Variants in PDGFRL observed in about 807,000 individuals in gnomAD.
The protein encoded by PDGFRL is platelet-derived growth factor receptor-like protein.
PDGFRL carries 46 observed loss-of-function variants against 37.2 expected under a neutral mutation model. That is an observed-to-expected ratio of 1.24 (90% CI 0.98 to 1.58). PDGFRL has a LOEUF of 1.58. Ranked by LOEUF, PDGFRL falls within the 40% of genes most tolerant of loss-of-function variation. The probability of loss-of-function intolerance (pLI) is 0.00; values close to 1 mark genes in which losing one functional copy is unlikely to be tolerated. For missense variants in PDGFRL, 692 were observed against 467.6 expected (o/e 1.48, Z -4.43); for synonymous variants, 251 against 184.3 (o/e 1.36, Z -2.93).
chr8:17,616,204 A>AT (rs966861910), intron 2 of PDGFRL, among the ~76,000 whole-genome samples: 81 of 134,604 alleles, frequency 6.0e-4, no homozygotes, highest in African/African-American at 2.1e-3. Context: ...TTATTTATTT[A>AT]TTTATTTCTG....
At chr8:17,612,642 A>T (rs1376084634) in intron 2 of PDGFRL, among the ~76,000 whole-genome samples, 2 of 152,202 alleles carry the variant, frequency 1.3e-5, no homozygotes, top group Non-Finnish European at 2.9e-5. Context: ...AAGTGCTGGG[A>T]TTACAGATGT....
chr8:17,591,918 A>G (rs1189317394), intron 2 of PDGFRL, among the ~76,000 whole-genome samples: 1 of 152,192 alleles, frequency 6.6e-6, no homozygotes, highest in African/African-American at 2.4e-5. Context: ...GTGTCTCAAA[A>G]AAGAAACAAA....
At chr8:17,595,682 T>C (rs1017909745) in intron 2 of PDGFRL, among the ~76,000 whole-genome samples, 1 of 152,038 alleles carries the variant, frequency 6.6e-6, no homozygotes, top group Non-Finnish European at 1.5e-5. Flanking sequence ...ACCCGCCCCT[T>C]TTTCAGGGTC....
At chr8:17,610,852 A>T (rs1382295337) in intron 2 of PDGFRL, among the ~76,000 whole-genome samples, 2 of 151,698 alleles carry the variant, frequency 1.3e-5, no homozygotes, top group African/African-American at 4.8e-5. Flanking sequence ...CAGAGGTTGC[A>T]GTGAGCCGAG....
intron 2 of PDGFRL, among the ~76,000 whole-genome samples, chr8:17,619,436 A>G (rs1804589491): frequency 6.6e-6 from 1 of 152,222 alleles, no homozygotes; most frequent in Non-Finnish European, 1.5e-5. Flanking sequence ...TTGCCATGCA[A>G]CAAGTTACAA....
chr8:17,584,114 G>C (rs938178516), intron 1 of PDGFRL, among the ~76,000 whole-genome samples: 1 of 152,106 alleles, frequency 6.6e-6, no homozygotes, highest in African/African-American at 2.4e-5. Context: ...CTGAGTTCAG[G>C]GTCTGTTTTC....
At chr8:17,608,066 C>T (rs545365424) in intron 2 of PDGFRL, among the ~76,000 whole-genome samples, 8 of 152,200 alleles carry the variant, frequency 5.3e-5, no homozygotes, top group African/African-American at 9.6e-5. Flanking sequence ...GTCCTGCATT[C>T]CCAACTTGTC....
At chr8:17,624,330 T>A (rs757412796) in intron 3 of PDGFRL, among the ~76,000 whole-genome samples, 5 of 152,234 alleles carry the variant, frequency 3.3e-5, no homozygotes, top group Admixed American at 6.5e-5. Flanking sequence ...GTTGTTAGTG[T>A]GCAGTTTGTG....
intron 3 of PDGFRL, among the ~76,000 whole-genome samples, chr8:17,625,503 C>T (rs993724726): frequency 6.6e-6 from 1 of 150,726 alleles, no homozygotes; most frequent in Non-Finnish European, 1.5e-5. Flanking sequence ...TTAAGTAAAA[C>T]ATTTGTCTTC....
chr8:17,637,357 T>C (rs1379756588), intron 5 of PDGFRL, among the ~76,000 whole-genome samples: 1 of 152,208 alleles, frequency 6.6e-6, no homozygotes, highest in African/African-American at 2.4e-5. Context: ...TTTTTTGTTT[T>C]TAATTCTATG....
rs1554556073 is a variant in PDGFRL, at chr8:17,638,786, T to TAA, written c.940-3826_940-3825dup. Among the ~76,000 whole-genome samples the TAA allele has an allele frequency of 4.9e-3, 507 of 102,812 alleles. 18 individuals carry two copies. The highest frequency in any genetic ancestry group is 9.4e-3 in the Middle Eastern group (2 of 212). 67.4% of individuals were successfully genotyped at this position (102,812 alleles called of 152,430 possible). On this transcript the variant is annotated intron_variant, in intron 5 of 5. Transcript: ENST00000251630. Reference sequence around the variant, plus strand: ...ATATATATATATATATATATATATATAATTGTGATATTTTCCTGTTGGGCA... The same window carrying TAA: ...ATATATATATATATATATATATATATAAAATTGTGATATTTTCCTGTTGGGCA...
At chr8:17,594,523 T>G (rs897699164) in intron 2 of PDGFRL, among the ~76,000 whole-genome samples, 3 of 151,682 alleles carry the variant, frequency 2.0e-5, no homozygotes, top group Non-Finnish European at 4.4e-5. Context: ...ATTCCAGGTG[T>G]AAGCCACCAT....
intron 1 of PDGFRL, among the ~76,000 whole-genome samples, chr8:17,583,715 A>G (rs1803756349): frequency 6.6e-6 from 1 of 152,136 alleles, no homozygotes; most frequent in Non-Finnish European, 1.5e-5. Flanking sequence ...TCCTGGAGGT[A>G]ATAGAACTAA....
rs138629203 is a variant in PDGFRL at position 17,608,647 on chromosome 8, C to T, written c.354-12404C>T. Among the ~76,000 whole-genome samples, 711 of 152,206 alleles carry T rather than the reference C, an allele frequency of 4.7e-3. 6 individuals are homozygous for T. The highest frequency in any genetic ancestry group is 0.016 in the African/African-American group (683 of 41,530). ...CGTTTGCTTAATGTATATATAAAGG[C>T]AGTCTACTAAGTCAGAATGCTTATG... On this transcript the variant is annotated intron_variant, in intron 2 of 5. Coordinates refer to ENST00000251630, the MANE Select transcript of PDGFRL (RefSeq NM_001372073.1).
At chr8:17,590,180 G>C (rs77377050) in intron 2 of PDGFRL, among the ~76,000 whole-genome samples, 3 of 134,862 alleles carry the variant, frequency 2.2e-5, no homozygotes, top group African/African-American at 8.1e-5. Context: ...GCATTGAGCC[G>C]AGATAGTGCC....
At chr8:17,601,743 G>T (rs1381492334) in intron 2 of PDGFRL, among the ~76,000 whole-genome samples, 1 of 152,046 alleles carries the variant, frequency 6.6e-6, no homozygotes, top group Non-Finnish European at 1.5e-5. Context: ...TCCTGTGTTG[G>T]TTTACTTAGG....
chr8:17,634,657 T>C (rs937567205), intron 5 of PDGFRL, among the ~76,000 whole-genome samples: 1 of 152,186 alleles, frequency 6.6e-6, no homozygotes, highest in South Asian at 2.1e-4. Context: ...AATGAGATCA[T>C]GTCCTTTGCA....
chr8:17,637,670 G>A (rs1804999994), intron 5 of PDGFRL, among the ~76,000 whole-genome samples: 2 of 152,172 alleles, frequency 1.3e-5, no homozygotes, highest in African/African-American at 4.8e-5. Flanking sequence ...ATGTCTGATA[G>A]AATTCATTTG....
intron 3 of PDGFRL, among the ~76,000 whole-genome samples, chr8:17,621,409 T>G (rs1166634343): frequency 6.6e-6 from 1 of 151,882 alleles, no homozygotes; most frequent in Admixed American, 6.6e-5. Context: ...ATTCCTGTTT[T>G]TTTTTTTTTC....
Sources: allele counts gnomAD v4.1 joint callset (sites outside exome capture counted in the v4.1 genomes callset), GRCh38; gene constraint gnomAD v4.1.1; transcripts MANE v1.5; gene names NCBI Gene and HGNC (gene_info 2026-07-23, HGNC 2026-07-21).